ARHGAP39: variants seen among roughly 807,000 people sequenced by gnomAD.
The protein encoded by ARHGAP39 is Rho GTPase activating protein 39.
A neutral mutation model predicts 106.9 loss-of-function variants in ARHGAP39; 44 were observed. The ratio of observed to expected loss-of-function variants is 0.41; its 90% CI spans 0.32 to 0.53. ARHGAP39 has a LOEUF of 0.53. Ranked by LOEUF, ARHGAP39 falls within the 20% of genes least tolerant of loss-of-function variation. ARHGAP39 has a pLI of 0.21. For missense variants in ARHGAP39, 1,496 were observed against 1,577.3 expected, an observed-to-expected ratio of 0.95 and a Z score of 0.87; for synonymous variants, 768 against 693.2, an observed-to-expected ratio of 1.11 and a Z score of -1.69.
chr8:144,678,618 G>A (rs565906111), intron 1 of ARHGAP39, among the ~76,000 whole-genome samples: 1 of 152,332 alleles, frequency 6.6e-6, no homozygotes, highest in African/African-American at 2.4e-5. Context: ...GGGGAGCCAG[G>A]GAGGAGAGCC....
intron 1 of ARHGAP39, among the ~76,000 whole-genome samples, chr8:144,633,163 G>A (rs1197430569): frequency 6.6e-6 from 1 of 150,774 alleles, no homozygotes; most frequent in Non-Finnish European, 1.5e-5. Flanking sequence ...TTGTTTGTTT[G>A]TTTTTAAAAG....
At position 144,665,041 on chromosome 8, in the gene ARHGAP39, G is replaced by A. The variant is rs557839100; in HGVS notation, c.-82+20645C>T. On this transcript the variant is annotated intron_variant, in intron 1 of 11. Transcript: ENST00000377307. ...TTGTTGAACGGTTGACAAAAATGCC[G>A]ATAGTGATACGAATAAGGTCCAGGC... Among the ~76,000 whole-genome samples the A allele has an allele frequency of 1.6e-3, 237 of 152,214 alleles. 1 individual carries two copies. The highest frequency in any genetic ancestry group is 2.7e-3 in the Non-Finnish European group (182 of 68,036).
intron 5 of ARHGAP39, among the ~76,000 whole-genome samples, chr8:144,546,694 G>C (rs1817437961): frequency 6.6e-6 from 1 of 152,216 alleles, no homozygotes; most frequent in Non-Finnish European, 1.5e-5. Context: ...CCTCCCGGCA[G>C]TTCTTCCTAC....
Position 144,644,737 on chromosome 8 carries a change from C to CTT in ARHGAP39, c.-81-39044_-81-39043dup, listed in dbSNP as rs763006016. Among the ~76,000 whole-genome samples the CTT allele has an allele frequency of 2.6e-5, 4 of 152,206 alleles. No individual in the cohort carries two copies. The highest frequency in any genetic ancestry group is 4.4e-5 in the Non-Finnish European group (3 of 68,046). On this transcript the variant is annotated intron_variant, in intron 1 of 11. Coordinates refer to ENST00000377307, the MANE Select transcript of ARHGAP39 (RefSeq NM_025251.3). The surrounding 1 kb of genome is among the most constrained non-coding windows in gnomAD (Gnocchi z 4.8). ...GGCCAAACCACGTCCCTGTCCGTGA[C>CTT]TTCGCACCTGGCCTTTCAGCACCAG... is the stretch of plus-strand genomic sequence containing the variant.
chr8:144,621,342 C>T (rs1820802415), intron 1 of ARHGAP39, among the ~76,000 whole-genome samples: 1 of 152,244 alleles, frequency 6.6e-6, no homozygotes, highest in African/African-American at 2.4e-5. Context: ...GGCTTCCAGG[C>T]CAACAGAGGC....
intron 1 of ARHGAP39, among the ~76,000 whole-genome samples, chr8:144,621,532 A>G (rs1012192381): frequency 6.6e-6 from 1 of 152,236 alleles, no homozygotes; most frequent in African/African-American, 2.4e-5. Context: ...GGAGGAAGAC[A>G]GTGGTGAATG....
At chr8:144,574,521 A>G (rs1261254316) in intron 3 of ARHGAP39, among the ~76,000 whole-genome samples, 1 of 152,062 alleles carries the variant, frequency 6.6e-6, no homozygotes, top group African/African-American at 2.4e-5. Flanking sequence ...ATACAAAAAC[A>G]AAATTAGCTG....
chr8:144,671,861 C>T lies in ARHGAP39; in HGVS notation c.-82+13825G>A, dbSNP rs1265196179. Among the ~76,000 whole-genome samples, 1 of 152,240 alleles carries T rather than the reference C, an allele frequency of 6.6e-6. No individual in the cohort carries two copies. The highest frequency in any genetic ancestry group is 2.1e-4 in the South Asian group (1 of 4,836). The stretch of plus-strand genomic sequence containing the variant: ...CTGACTGGCAAGTGGCTGGCACATA[C>T]AGGCAACAGTAAAGACAGGGGCGAG... On this transcript the variant is annotated intron_variant, in intron 1 of 11. Transcript: ENST00000377307. The surrounding 1 kb of genome is among the most constrained non-coding windows in gnomAD (Gnocchi z 4.5).
chr8:144,602,833 T>C (rs950856234), intron 2 of ARHGAP39, among the ~76,000 whole-genome samples: 5 of 142,386 alleles, frequency 3.5e-5, no homozygotes, highest in Non-Finnish European at 7.6e-5. Flanking sequence ...TGTACCTGTG[T>C]GCATGGAGGC....
chr8:144,599,700 G>T (rs1388285150), intron 2 of ARHGAP39, among the ~76,000 whole-genome samples: 1 of 152,220 alleles, frequency 6.6e-6, no homozygotes, highest in Non-Finnish European at 1.5e-5. Context: ...ACCAACGGAT[G>T]CCAGAACCAT....
upstream of ARHGAP39, among the ~76,000 whole-genome samples, chr8:144,687,083 C>CG (rs1822619132): frequency 1.0e-5 from 1 of 99,316 alleles, no homozygotes; most frequent in Non-Finnish European, 2.0e-5. Flanking sequence ...GAGCACTTCC[C>CG]ACCCCGTGAC....
rs553570529 is a variant in ARHGAP39, at chr8:144,551,986, C to T, written c.597-3497G>A. On this transcript the variant is annotated intron_variant, in intron 4 of 11. Transcript: ENST00000377307. ...CTCTAACCTGTCCATCTCCTCCTCA[C>T]CCTCCCAAATTCCCACACCTCTCTG... is the stretch of plus-strand genomic sequence containing the variant. Among the ~76,000 whole-genome samples, 11 of 152,346 alleles carry T rather than the reference C, an allele frequency of 7.2e-5. No individual in the cohort carries two copies. The East Asian group carries it at 2.1e-3, about 29-fold the overall frequency.
rs56889764 is a variant in ARHGAP39 at position 144,594,694 on chromosome 8, C to CA, written c.80+10840dup. On this transcript the variant is annotated intron_variant, in intron 2 of 11. Coordinates refer to ENST00000377307, the MANE Select transcript of ARHGAP39 (RefSeq NM_025251.3). ...GGGCAACAAAAGCGAAACGCCACCTCAAAAAAAAAAAAAAAAGGTTAAATA... is the reference window on the plus strand; with the variant it reads ...GGGCAACAAAAGCGAAACGCCACCTCAAAAAAAAAAAAAAAAAGGTTAAATA... Among the ~76,000 whole-genome samples the CA allele has an allele frequency of 8.9e-3, 716 of 80,236 alleles. 3 individuals carry two copies. The highest frequency in any genetic ancestry group is 0.022 in the Middle Eastern group (3 of 134). 52.6% of individuals were successfully genotyped at this position (80,236 alleles called of 152,430 possible).
chr8:144,630,468 T>C (rs1821033053), intron 1 of ARHGAP39, among the ~76,000 whole-genome samples: 1 of 152,260 alleles, frequency 6.6e-6, no homozygotes, highest in African/African-American at 2.4e-5. Context: ...CCTAAGGGTC[T>C]GGTCTCACCC....
intron 5 of ARHGAP39, among the ~76,000 whole-genome samples, chr8:144,546,527 TGTGAGAACAAGGAG>T (rs1279294617): frequency 1.3e-5 from 2 of 152,138 alleles, no homozygotes; most frequent in African/African-American, 2.4e-5. Flanking sequence ...TGCCTCACCC[TGTGAGAACAAGGAG>T]GTGAGAACAA....
intron 3 of ARHGAP39, among the ~76,000 whole-genome samples, chr8:144,579,451 G>A (rs941558647): frequency 1.8e-4 from 28 of 152,112 alleles, no homozygotes; most frequent in Non-Finnish European, 2.9e-4. Context: ...GCTCACCCAC[G>A]CCACGCCCGA....
chr8:144,542,415 G>A (rs1304337982), intron 6 of ARHGAP39, among the ~76,000 whole-genome samples: 1 of 152,206 alleles, frequency 6.6e-6, no homozygotes, highest in Non-Finnish European at 1.5e-5. Context: ...GGCTGAGGCA[G>A]GCAGGGTGCT....
Position 144,530,411 on chromosome 8 carries a change from G to A in ARHGAP39, c.*11C>T. On this transcript the variant is annotated 3_prime_UTR_variant, in exon 12 of 12. Transcript: ENST00000377307. ...GCGGCAGGACATCCCTCCTGTCCCC[G>A]GGCGCCCCCGCTACAGCACACCCTC... 8 of 1,584,830 alleles carry A rather than the reference G, an allele frequency of 5.0e-6. No homozygotes were observed. The highest frequency in any genetic ancestry group is 6.0e-6 in the Non-Finnish European group (7 of 1,162,814).
chr8:144,534,103 C>G (rs1227206344), intron 8 of ARHGAP39, 26 bp downstream of exon 8: 5 of 1,610,526 alleles, frequency 3.1e-6, no homozygotes, highest in Non-Finnish European at 4.2e-6. Flanking sequence ...CGCCTGCCCT[C>G]CCCGGCCCCC....
Sources: gnomAD v4.1 joint callset for allele counts (sites outside exome capture counted in the v4.1 genomes callset) on GRCh38, gnomAD v4.1.1 for gene constraint, Gnocchi (gnomAD v3.1) non-coding constraint, MANE v1.5 for transcripts, NCBI Gene and HGNC (gene_info 2026-07-23, HGNC 2026-07-21) for gene names.